The following CACNB1 variants were observed in gnomAD, a reference collection of about 807,000 sequenced individuals.
CACNB1 encodes voltage-dependent L-type calcium channel subunit beta-1.
A neutral mutation model predicts 71.6 loss-of-function variants in CACNB1; 29 were observed. The ratio of observed to expected loss-of-function variants is 0.40; its 90% confidence interval spans 0.30 to 0.55. The LOEUF (loss-of-function observed/expected upper bound fraction) is 0.55, where lower values mean the gene tolerates loss of function less well. CACNB1 is among the 20% of genes least tolerant of loss of function. CACNB1 has a pLI of 0.38. For missense variants in CACNB1, 623 were observed against 801.8 expected (o/e 0.78, Z 2.69); for synonymous variants, 300 against 319.6 (o/e 0.94, Z 0.65).
chr17:39,186,099 C>T lies in CACNB1; in HGVS notation c.628+397G>A, dbSNP rs1351805111. ...AGTTCAAAGGCTAAGTTAGTCATTTCATTACCTGGACCGGAGAGTCAGGAG... is the reference window on the plus strand; with the variant it reads ...AGTTCAAAGGCTAAGTTAGTCATTTTATTACCTGGACCGGAGAGTCAGGAG... On this transcript the variant is annotated intron_variant, in intron 6 of 13. Coordinates refer to ENST00000394303, the MANE Select transcript of CACNB1 (RefSeq NM_000723.5). The surrounding 1 kb of genome is among the most constrained non-coding windows in gnomAD (Gnocchi z 4.1). 10 of 1,613,740 alleles carry T rather than the reference C, an allele frequency of 6.2e-6. No homozygotes were observed. The highest frequency in any genetic ancestry group is 7.6e-6 in the Non-Finnish European group (9 of 1,179,812).
Position 39,197,416 on chromosome 17 carries a change from G to T in CACNB1, c.80C>A (p.Pro27Gln), listed in dbSNP as rs1445718873. 1.4e-6 allele frequency: 2 copies of T among 1,459,322 alleles called. No individual in the cohort carries two copies. Among genetic ancestry groups the T allele is most frequent in the Non-Finnish European group, 1.8e-6 (2 of 1,108,604 alleles). 90.4% of individuals were successfully genotyped at this position (1,459,322 alleles called of 1,614,324 possible). Residue 27 changes from proline (P) to glutamine (Q), a missense_variant, in exon 1 of 14, where the codon CCG becomes CAG. By Grantham distance (76) the Pro-to-Gln change is moderately conservative. Transcript: ENST00000394303. ...EIPMEVFDPS[P>Q]QGKYSKRKGR... ...GGCCGGGCCACCACGCCTCACCTGC[G>T]GGCTGGGGTCGAAGACCTCCATGGG... is the stretch of plus-strand genomic sequence containing the variant.
At chr17:39,185,698 C>T (rs900069010) in intron 6 of CACNB1, among the ~76,000 whole-genome samples, 2 of 152,002 alleles carry the variant, frequency 1.3e-5, no homozygotes, top group Non-Finnish European at 2.9e-5. Flanking sequence ...GGGTTCATGA[C>T]CACCAAACCC....
At chr17:39,191,136 G>A (rs1199078792) in intron 3 of CACNB1, among the ~76,000 whole-genome samples, 6 of 152,016 alleles carry the variant, frequency 3.9e-5, no homozygotes, top group South Asian at 2.1e-4. Context: ...CCCGGGAGGC[G>A]GAGCTTGCAG....
At chr17:39,188,361 G>A (rs2045991795) in intron 3 of CACNB1, among the ~76,000 whole-genome samples, 2 of 151,930 alleles carry the variant, frequency 1.3e-5, no homozygotes, top group African/African-American at 2.4e-5. Context: ...GGATTCATGA[G>A]GTCAGGAGTT....
Position 39,175,110 on chromosome 17 carries a change from G to A in CACNB1, c.*83C>T. 2 of 1,133,868 alleles carry A rather than the reference G, an allele frequency of 1.8e-6. No individual in the cohort carries two copies. Among genetic ancestry groups the A allele is most frequent in the South Asian group, 1.5e-5 (1 of 67,546 alleles). 70.2% of individuals were successfully genotyped at this position (1,133,868 alleles called of 1,614,324 possible). A position where few individuals can be genotyped will look rare whatever the true frequency, so the allele number is the denominator to read the frequency against. On this transcript the variant is annotated 3_prime_UTR_variant, in exon 14 of 14. Transcript: ENST00000394303. The surrounding 1 kb of genome is among the most constrained non-coding windows in gnomAD (Gnocchi z 4.7). ...GAGGGAGACAGCGCCCCCTGGAGGC[G>A]AATACATGTCAGGTGTGAGCCCCTC...
At chr17:39,183,661 G>T in intron 11 of CACNB1, 52 bp downstream of exon 11, 2 of 1,437,312 alleles carry the variant, frequency 1.4e-6, no homozygotes, top group Non-Finnish European at 9.3e-7. Flanking sequence ...TTAAACCCAA[G>T]CAGCCCTTTC....
intron 11 of CACNB1, chr17:39,183,004 C>T (rs1318120463): frequency 6.2e-6 from 6 of 966,526 alleles, no homozygotes; most frequent in African/African-American, 3.5e-5. Context: ...CAGATCCCCA[C>T]TGGCATCTAG....
chr17:39,177,622 A>C, intron 12 of CACNB1, 87 bp from the exon 13 acceptor site: 1 of 1,057,534 alleles, frequency 9.5e-7, no homozygotes, highest in Non-Finnish European at 1.4e-6. Flanking sequence ...CAGTGGGTAG[A>C]GTCAAGGGAT....
rs995154226 is a variant in CACNB1, at chr17:39,183,804, G to C, written c.959C>G (p.Ala320Gly). The change falls in exon 11 of 14, where the codon GCT (alanine) becomes GGT (glycine). Residue 320 changes from alanine (A) to glycine (G), a missense_variant. Transcript: ENST00000394303. ...FELARTLQLV[A>G]LDADTINHPA... ...GTGATTGATGGTGTCAGCATCCAGA[G>C]CGACCAACTGAAGGGTCCGGGCCAG... 1.2e-6 allele frequency: 2 copies of C among 1,614,076 alleles called. No individual in the cohort carries two copies. The highest frequency in any genetic ancestry group is 1.7e-6 in the Non-Finnish European group (2 of 1,179,972).
Position 39,186,274 on chromosome 17 carries a change from A to G in CACNB1, c.628+222T>C, listed in dbSNP as rs901612147. ...AAATGAATGGGGGCAGGGCAGGGGAATCAGGCAGAGAGATGGAGCTACCAA... is the reference window on the plus strand; with the variant it reads ...AAATGAATGGGGGCAGGGCAGGGGAGTCAGGCAGAGAGATGGAGCTACCAA... On this transcript the variant is annotated intron_variant, in intron 6 of 13. Transcript: ENST00000394303. The surrounding 1 kb of genome is among the most constrained non-coding windows in gnomAD (Gnocchi z 4.1). 2 of 640,788 alleles carry G rather than the reference A, an allele frequency of 3.1e-6. No homozygotes were observed. Among genetic ancestry groups the G allele is most frequent in the Non-Finnish European group, 5.5e-6 (2 of 366,480 alleles). 39.7% of individuals were successfully genotyped at this position (640,788 alleles called of 1,614,324 possible). A position where few individuals can be genotyped will look rare whatever the true frequency, so the allele number is the denominator to read the frequency against.
intron 13 of CACNB1, among the ~76,000 whole-genome samples, chr17:39,176,885 G>T (rs757036021): frequency 1.3e-4 from 20 of 152,200 alleles, no homozygotes; most frequent in Non-Finnish European, 2.6e-4. Context: ...GGGCTCCAGG[G>T]AGGGAGAGTC....
At chr17:39,177,139 C>T (rs948875481) in intron 13 of CACNB1, 13 of 1,428,906 alleles carry the variant, frequency 9.1e-6, no homozygotes, top group South Asian at 6.1e-5. Flanking sequence ...CAGAAGCTGC[C>T]GCTCATCTTA....
Position 39,185,565 on chromosome 17 carries a change from C to A in CACNB1, c.629-415G>T, listed in dbSNP as rs569578888. ...TGCTTTGCAGCCAGCAGCCCCCCCCCACTATGTGCCCACCCAGAGAGTCAA... is the reference window on the plus strand; with the variant it reads ...TGCTTTGCAGCCAGCAGCCCCCCCCAACTATGTGCCCACCCAGAGAGTCAA... On this transcript the variant is annotated intron_variant, in intron 6 of 13. Transcript: ENST00000394303. Among the ~76,000 whole-genome samples the A allele has an allele frequency of 9.9e-5, 15 of 152,134 alleles. No homozygotes were observed. The East Asian group carries it at 2.3e-3, about 24-fold the overall frequency.
rs745782403 is a variant in CACNB1 at position 39,187,554 on chromosome 17, C to G, written c.339G>C (p.Pro113=). The G allele has an allele frequency of 1.2e-6, 2 of 1,614,186 alleles. No individual in the cohort carries two copies. Among genetic ancestry groups the G allele is most frequent in the South Asian group, 1.1e-5 (1 of 91,088 alleles). Residue 113 remains proline (P), a synonymous_variant, in exon 4 of 14, where the codon CCG becomes CCC. Coordinates refer to ENST00000394303, the MANE Select transcript of CACNB1 (RefSeq NM_000723.5). ...FAVRTNVGYN[P]SPGDEVPVQG... ...GCACAGGCACCTCATCCCCTGGAGA[C>G]GGATTGTAGCCAACATTTGTCCGCA...
intron 3 of CACNB1, among the ~76,000 whole-genome samples, chr17:39,189,173 G>T (rs2046012973): frequency 6.6e-6 from 1 of 151,722 alleles, no homozygotes; most frequent in Admixed American, 6.6e-5. Flanking sequence ...GACCAGCCTG[G>T]CTAACATGGT....
chr17:39,194,787 A>C lies in CACNB1; in HGVS notation c.171+97T>G. 1.2e-6 allele frequency: 1 copy of C among 804,034 alleles called. No individual in the cohort carries two copies. The highest frequency in any genetic ancestry group is 2.0e-6 in the Non-Finnish European group (1 of 488,524). The allele number at this position is 804,034 out of a possible 1,614,324, so 49.8% of individuals were successfully genotyped here. On this transcript the variant is annotated intron_variant, in intron 2 of 13. Coordinates refer to ENST00000394303, the MANE Select transcript of CACNB1 (RefSeq NM_000723.5). The surrounding 1 kb of genome is among the most constrained non-coding windows in gnomAD (Gnocchi z 4.6). The stretch of plus-strand genomic sequence containing the variant: ...GCTCCAGGCAGGTGACAAATGGCAC[A>C]GGGAAGGGTGCCTGGACAATACCGC...
chr17:39,188,191 G>T (rs1228420112), intron 3 of CACNB1, among the ~76,000 whole-genome samples: 1 of 152,118 alleles, frequency 6.6e-6, no homozygotes, highest in Non-Finnish European at 1.5e-5. Context: ...GCTGAGGCAT[G>T]AGAATCATTT....
At chr17:39,177,304 C>T (rs756807079) in intron 13 of CACNB1, 46 bp downstream of exon 13, 13 of 1,611,176 alleles carry the variant, frequency 8.1e-6, no homozygotes, top group South Asian at 3.3e-5. Flanking sequence ...GACTCCAGCC[C>T]GCCCCAGAAG....
At chr17:39,182,093 G>A (rs188187755) in intron 11 of CACNB1, among the ~76,000 whole-genome samples, 28 of 152,082 alleles carry the variant, frequency 1.8e-4, no homozygotes, top group African/African-American at 5.3e-4. Context: ...CCCAGGAGGC[G>A]GAGGTTGCAG....
Sources: gnomAD v4.1 joint callset for allele counts (sites outside exome capture counted in the v4.1 genomes callset) on GRCh38, gnomAD v4.1.1 for gene constraint, Gnocchi (gnomAD v3.1) non-coding constraint, MANE v1.5 for transcripts, NCBI Gene and HGNC (gene_info 2026-07-23, HGNC 2026-07-21) for gene names.